Variants in MICOS10 observed in about 807,000 individuals in gnomAD.
The protein encoded by MICOS10 is mitochondrial contact site and cristae organizing system subunit 10.
MICOS10 carries 5 observed loss-of-function variants against 13.4 expected under a neutral mutation model. The ratio of observed to expected loss-of-function variants is 0.37; its 90% CI spans 0.20 to 0.78. The LOEUF is 0.78. Ranked by LOEUF, MICOS10 falls within the 30% of genes least tolerant of loss-of-function variation. The pLI is 0.47. For missense variants in MICOS10, 101 were observed against 94.6 expected (o/e 1.07, Z -0.28); for synonymous variants, 35 against 33.6 (o/e 1.04, Z -0.15).
intron 1 of MICOS10, among the ~76,000 whole-genome samples, chr1:19,605,535 T>G (rs2094831460): frequency 6.6e-6 from 1 of 152,216 alleles, no homozygotes; most frequent in South Asian, 2.1e-4. Context: ...TCGGCTTCTT[T>G]GACTTAGGTA....
At chr1:19,600,882 T>C in intron 1 of MICOS10, 1 of 1,286,638 alleles carries the variant, frequency 7.8e-7, no homozygotes, top group Non-Finnish European at 1.0e-6. Context: ...ATTACAGGCA[T>C]GAGCCACCAC....
intron 1 of MICOS10, among the ~76,000 whole-genome samples, chr1:19,615,599 G>A (rs569355972): frequency 7.2e-4 from 103 of 143,786 alleles, no homozygotes; most frequent in Non-Finnish European, 1.3e-3. Flanking sequence ...CCAAGACAGA[G>A]TCTCGCTTTG....
chr1:19,626,624 G>T lies in MICOS10; in HGVS notation c.*223G>T, dbSNP rs1534985. The T allele has an allele frequency of 0.98, 543,527 of 554,364 alleles. 266,493 individuals carry two copies. Among genetic ancestry groups the T allele is most frequent in the East Asian group, 1 (32,662 of 32,664 alleles). 34.3% of individuals were successfully genotyped at this position (554,364 alleles called of 1,614,324 possible). A position where few individuals can be genotyped will look rare whatever the true frequency, so the allele number is the denominator to read the frequency against. ...TGGTCTTAAATAAATTAAACAAAAA[G>T]AGGAAGTCCATTGCATGGCCTTTGT... is the stretch of plus-strand genomic sequence containing the variant. On this transcript the variant is annotated 3_prime_UTR_variant, in exon 4 of 4. Transcript: ENST00000322753.
At chr1:19,608,821 C>T (rs540179017) in intron 1 of MICOS10, among the ~76,000 whole-genome samples, 2 of 152,056 alleles carry the variant, frequency 1.3e-5, no homozygotes, top group Non-Finnish European at 2.9e-5. Context: ...TTGTAATACA[C>T]ATATCTGATA....
chr1:19,612,221 A>AT (rs1257539097), intron 1 of MICOS10, among the ~76,000 whole-genome samples: 14 of 146,718 alleles, frequency 9.5e-5, no homozygotes, highest in East Asian at 2.1e-4. Flanking sequence ...TTTTTTTTTA[A>AT]TTTTTTTTTA....
chr1:19,598,201 C>A (rs1469268915), intron 1 of MICOS10: 1 of 152,188 alleles, frequency 6.6e-6, no homozygotes, highest in Admixed American at 6.5e-5. Context: ...TCAGCACTTA[C>A]AGTCAAGTGA....
At position 19,627,341 on chromosome 1, in the gene MICOS10, A is replaced by G. The variant is rs1490092714; in HGVS notation, c.*940A>G. ...ATTAAGATAGGGAGAGCCCGATCCC[A>G]CTTGCCCCTGTATCCTGTAAATGTT... On this transcript the variant is annotated 3_prime_UTR_variant, in exon 4 of 4. Transcript: ENST00000322753. The G allele has an allele frequency of 3.3e-5, 5 of 152,208 alleles. No individual in the cohort carries two copies. Among genetic ancestry groups the G allele is most frequent in the Non-Finnish European group, 5.9e-5 (4 of 68,038 alleles). 9.4% of individuals were successfully genotyped at this position (152,208 alleles called of 1,614,324 possible).
chr1:19,603,295 A>T (rs2094822785), intron 1 of MICOS10, among the ~76,000 whole-genome samples: 1 of 152,116 alleles, frequency 6.6e-6, no homozygotes, highest in African/African-American at 2.4e-5. Flanking sequence ...CTGCCATTGC[A>T]CCCCAGCTTG....
chr1:19,619,890 C>T (rs181079390), intron 1 of MICOS10, among the ~76,000 whole-genome samples: 2 of 152,340 alleles, frequency 1.3e-5, no homozygotes, highest in Admixed American at 6.5e-5. Flanking sequence ...GCTCCCCACC[C>T]CCTACCACAC....
chr1:19,610,245 G>A (rs1436949161), intron 1 of MICOS10, among the ~76,000 whole-genome samples: 2 of 151,594 alleles, frequency 1.3e-5, no homozygotes, highest in Non-Finnish European at 2.9e-5. Flanking sequence ...TAGATAGACA[G>A]TATGAAAGGG....
intron 1 of MICOS10, among the ~76,000 whole-genome samples, chr1:19,616,428 A>T (rs2100304747): frequency 6.6e-6 from 1 of 152,296 alleles, no homozygotes; most frequent in East Asian, 1.9e-4. Context: ...TCAGCAGTTT[A>T]TAGGCCTCAG....
At chr1:19,612,589 G>C (rs985688711) in intron 1 of MICOS10, among the ~76,000 whole-genome samples, 1 of 152,030 alleles carries the variant, frequency 6.6e-6, no homozygotes, top group Admixed American at 6.5e-5. Flanking sequence ...TGGGTGTGGG[G>C]GTATGTGCCT....
rs148537332 is a variant in MICOS10 at position 19,608,857 on chromosome 1, C to G, written c.64+11748C>G. ...AAGGGCTTAGAATACATAAAGATCT[C>G]TTAATTTTAAGGTTCCCCCCCACCC... is the stretch of plus-strand genomic sequence containing the variant. On this transcript the variant is annotated intron_variant, in intron 1 of 3. Transcript: ENST00000322753. Among the ~76,000 whole-genome samples, 1,378 of 152,094 alleles carry G rather than the reference C, an allele frequency of 9.1e-3. 9 individuals carry two copies. Among genetic ancestry groups the G allele is most frequent in the Middle Eastern group, 0.017 (5 of 294 alleles).
intron 1 of MICOS10, among the ~76,000 whole-genome samples, chr1:19,612,584 G>T (rs953189023): frequency 1.3e-5 from 2 of 152,048 alleles, no homozygotes; most frequent in African/African-American, 4.8e-5. Flanking sequence ...TTAACTGGGT[G>T]TGGGGGTATG....
intron 1 of MICOS10, among the ~76,000 whole-genome samples, chr1:19,609,517 CA>C (rs2094850602): frequency 6.6e-6 from 1 of 152,164 alleles, no homozygotes; most frequent in Non-Finnish European, 1.5e-5. Context: ...CGTGTCCACA[CA>C]AAGACTTACA....
chr1:19,600,381 G>A (rs1167577345), intron 1 of MICOS10, among the ~76,000 whole-genome samples: 2 of 152,168 alleles, frequency 1.3e-5, no homozygotes, highest in South Asian at 2.1e-4. Context: ...GAAGGTGTAC[G>A]CTCTTCTATA....
Position 19,627,147 on chromosome 1 carries a change from C to G in MICOS10, c.*746C>G, listed in dbSNP as rs549504138. ...GGTTAATTTTATCTTCACGTAGCAGCTGAAGTTTGAGGACAAAAGGGCCAC... is the reference window on the plus strand; with the variant it reads ...GGTTAATTTTATCTTCACGTAGCAGGTGAAGTTTGAGGACAAAAGGGCCAC... On this transcript the variant is annotated 3_prime_UTR_variant, in exon 4 of 4. Coordinates refer to ENST00000322753, the MANE Select transcript of MICOS10 (RefSeq NM_001032363.4). 1 of 152,344 alleles carries G rather than the reference C, an allele frequency of 6.6e-6. No homozygotes were observed. The highest frequency in any genetic ancestry group is 2.4e-5 in the African/African-American group (1 of 41,564). 9.4% of individuals were successfully genotyped at this position (152,344 alleles called of 1,614,324 possible). A position where few individuals can be genotyped will look rare whatever the true frequency, so the allele number is the denominator to read the frequency against.
intron 1 of MICOS10, among the ~76,000 whole-genome samples, chr1:19,613,268 T>A (rs1282994054): frequency 6.6e-6 from 1 of 152,244 alleles, no homozygotes; most frequent in Non-Finnish European, 1.5e-5. Flanking sequence ...TCTTCAGATC[T>A]GTCCTCATTG....
intron 1 of MICOS10, chr1:19,600,881 A>G: frequency 7.8e-7 from 1 of 1,289,252 alleles, no homozygotes; most frequent in Admixed American, 2.3e-5. Flanking sequence ...GATTACAGGC[A>G]TGAGCCACCA....
Sources: allele counts gnomAD v4.1 joint callset (sites outside exome capture counted in the v4.1 genomes callset), GRCh38; gene constraint gnomAD v4.1.1; transcripts MANE v1.5; gene names NCBI Gene and HGNC (gene_info 2026-07-23, HGNC 2026-07-21).